PGD: variants seen among roughly 807,000 people sequenced by gnomAD.
The protein encoded by PGD is phosphogluconate dehydrogenase.
PGD carries 21 observed loss-of-function variants against 60.4 expected under a neutral mutation model. That is an observed-to-expected ratio of 0.35 (90% CI 0.25 to 0.50). The LOEUF is 0.50. Ranked by LOEUF, PGD falls within the 20% of genes least tolerant of loss-of-function variation. PGD has a pLI of 0.98. For missense variants in PGD, 477 were observed against 613.1 expected, an observed-to-expected ratio of 0.78 and a Z score of 2.34; for synonymous variants, 230 against 235.9, an observed-to-expected ratio of 0.97 and a Z score of 0.23.
chr1:10,420,145 TG>T lies in PGD; in HGVS notation c.*397del, dbSNP rs1639668499. On this transcript the variant is annotated 3_prime_UTR_variant, in exon 13 of 13. Transcript: ENST00000270776. ...CTCAATAAAAGCTACATCAGACTGA[TG>T]CTCTTTCTCCAGATTCTTAGTCTCA... 6.1e-6 allele frequency: 1 copy of T among 163,880 alleles called. No homozygotes were observed. Among genetic ancestry groups the T allele is most frequent in the Non-Finnish European group, 1.3e-5 (1 of 74,660 alleles). The allele number at this position is 163,880 out of a possible 1,614,324, so 10.2% of individuals were successfully genotyped here.
chr1:10,419,644 C>G lies in PGD; in HGVS notation c.1347C>G (p.Tyr449Ter). 6.2e-7 allele frequency: 1 copy of G among 1,614,224 alleles called. No individual in the cohort carries two copies. Among genetic ancestry groups the G allele is most frequent in the Non-Finnish European group, 8.5e-7 (1 of 1,180,036 alleles). ...TCGTTTCCTAGGCTCAGCGGGATTA[C>G]TTCGGGGCTCACACCTATGAACTCT... The part of the protein sequence containing the change: ...PASLIQAQRD[Y>*]FGAHTYELLA... The change falls in exon 13 of 13, where the codon TAC (tyrosine) becomes TAG (stop). Residue 449 changes from tyrosine to a stop codon, truncating the protein, a stop_gained. Coordinates refer to ENST00000270776, the MANE Select transcript of PGD (RefSeq NM_002631.4). LOFTEE classifies it high-confidence loss of function.
intron 8 of PGD, among the ~76,000 whole-genome samples, chr1:10,414,847 C>T (rs532082838): frequency 2.0e-5 from 3 of 151,842 alleles, no homozygotes; most frequent in Admixed American, 1.3e-4. Context: ...AATCCCAGCA[C>T]TTTGGGTGAC....
At chr1:10,410,923 T>G (rs72867469) in intron 6 of PGD, among the ~76,000 whole-genome samples, 5,485 of 152,078 alleles carry the variant, frequency 0.036, 124 homozygotes, top group Middle Eastern at 0.13. Flanking sequence ...GTTGAGACCT[T>G]GGATCTAGGG....
In PGD at chr1:10,413,082, G is replaced by T; in HGVS notation, c.675G>T (p.Lys225Asn). ...TGTAGGCCTTTGAGGATTGGAATAA[G>T]ACAGAGCTAGACTCATTCCTGATTG... ...EMAQAFEDWN[K>N]TELDSFLIEI... Residue 225 changes from lysine (K) to asparagine (N), a missense_variant, in exon 8 of 13, where the codon AAG (lysine) becomes AAT (asparagine). Coordinates refer to ENST00000270776, the MANE Select transcript of PGD (RefSeq NM_002631.4). 1 of 1,614,018 alleles carries T rather than the reference G, an allele frequency of 6.2e-7. No homozygotes were observed. The highest frequency in any genetic ancestry group is 8.5e-7 in the Non-Finnish European group (1 of 1,179,906).
At chr1:10,405,578 G>A (rs919879241) in intron 5 of PGD, among the ~76,000 whole-genome samples, 5 of 150,448 alleles carry the variant, frequency 3.3e-5, no homozygotes, top group African/African-American at 7.3e-5. Flanking sequence ...GGTGGCTCAC[G>A]CCTGTAATCC....
intron 7 of PGD, among the ~76,000 whole-genome samples, chr1:10,412,616 T>C (rs556139588): frequency 4.6e-5 from 7 of 152,346 alleles, no homozygotes; most frequent in African/African-American, 1.7e-4. Context: ...ATGCCAAGCA[T>C]GATTCTAAAT....
intron 3 of PGD, among the ~76,000 whole-genome samples, chr1:10,401,751 C>T (rs1424598188): frequency 1.3e-5 from 2 of 152,122 alleles, no homozygotes; most frequent in Non-Finnish European, 2.9e-5. Flanking sequence ...CGCGGTGGCT[C>T]ACGCCTGTAA....
rs1045356222 is a variant in PGD at position 10,404,078 on chromosome 1, G to A, written c.331-83G>A. 6.3e-6 allele frequency: 6 copies of A among 947,762 alleles called. No individual in the cohort carries two copies. In the Admixed American group the frequency reaches 8.7e-5, roughly 14 times the overall value. The allele number at this position is 947,762 out of a possible 1,614,324, so 58.7% of individuals were successfully genotyped here. ...TCTTATACTTCCTCTCATTTATAAG[G>A]GAAACATTTTTGGGTAGCATAATGA... is the stretch of plus-strand genomic sequence containing the variant. On this transcript the variant is annotated intron_variant, in intron 4 of 12. Coordinates refer to ENST00000270776, the MANE Select transcript of PGD (RefSeq NM_002631.4).
intron 8 of PGD, among the ~76,000 whole-genome samples, chr1:10,416,335 C>T (rs1639593906): frequency 6.6e-6 from 1 of 152,188 alleles, no homozygotes; most frequent in African/African-American, 2.4e-5. Context: ...TGATTGAATA[C>T]TCATGTTTGT....
chr1:10,410,118 C>T (rs72867467), intron 6 of PGD, among the ~76,000 whole-genome samples: 5,202 of 152,076 alleles, frequency 0.034, 111 homozygotes, highest in Middle Eastern at 0.13. Context: ...ACTCTGTGGC[C>T]AGAGTGTCAA....
At position 10,419,603 on chromosome 1, in the gene PGD, T is replaced by A. The variant is rs149262118; in HGVS notation, c.1333-27T>A. On this transcript the variant is annotated intron_variant, in intron 12 of 12. Coordinates refer to ENST00000270776, the MANE Select transcript of PGD (RefSeq NM_002631.4). ...CGGGGGCGTGCGCCATGGACTGTCC[T>A]GACCAACCTACTCTCTCGTTTCCTA... 1.8e-4 allele frequency: 283 copies of A among 1,614,128 alleles called. 1 individual carries two copies. In the African/African-American group the frequency reaches 2.1e-3, roughly 12 times the overall value.
Position 10,402,958 on chromosome 1 carries a change from A to G in PGD, c.265-113A>G, listed in dbSNP as rs1344158927. ...GCACTCCTGCATTCCAAGCTGGGCA[A>G]CAGAACGAGACTCTTTTTAGACTAT... On this transcript the variant is annotated intron_variant, in intron 3 of 12. Transcript: ENST00000270776. 5.9e-5 allele frequency: 46 copies of G among 773,654 alleles called. No individual in the cohort carries two copies. In the East Asian group the frequency reaches 1.2e-3, roughly 20 times the overall value. The allele number at this position is 773,654 out of a possible 1,614,324, so 47.9% of individuals were successfully genotyped here.
At chr1:10,400,990 TG>T (rs1639306220) in intron 3 of PGD, among the ~76,000 whole-genome samples, 1 of 152,010 alleles carries the variant, frequency 6.6e-6, no homozygotes, top group South Asian at 2.1e-4. Flanking sequence ...TACAAGCTTA[TG>T]GTCCCAGGTT....
rs563541954 is a variant in PGD at position 10,414,397 on chromosome 1, C to T, written c.844+1146C>T. The stretch of plus-strand genomic sequence containing the variant: ...CAGTGTGTTTGTTTGTTTTTTGAGA[C>T]GGTGTTGTGCTCTGTCACCCAGGCT... On this transcript the variant is annotated intron_variant, in intron 8 of 12. Coordinates refer to ENST00000270776, the MANE Select transcript of PGD (RefSeq NM_002631.4). 7.7e-4 allele frequency among the ~76,000 whole-genome samples: 117 copies of T among 152,036 alleles called. 2 individuals carry two copies. Among genetic ancestry groups the T allele is most frequent in the East Asian group, 1.6e-3 (8 of 5,130 alleles).
In PGD at chr1:10,417,865, A is replaced by G. The variant is rs189879119; in HGVS notation, c.1109+356A>G. Among the ~76,000 whole-genome samples the G allele has an allele frequency of 1.0e-3, 155 of 152,222 alleles. 2 individuals are homozygous for G. Among genetic ancestry groups the G allele is most frequent in the South Asian group, 7.3e-3 (35 of 4,826 alleles). ...ACTGGGATTACAAGGGCACGCCACC[A>G]TGTCCGGCTAATTCTTTTGTATTTG... On this transcript the variant is annotated intron_variant, in intron 10 of 12. Transcript: ENST00000270776.
intron 11 of PGD, 134 bp from the exon 12 acceptor site, chr1:10,419,282 GC>G: frequency 8.3e-7 from 1 of 1,209,074 alleles, no homozygotes; most frequent in Non-Finnish European, 1.2e-6. Context: ...CTTCCAAAGT[GC>G]TGGGATGACA....
Position 10,407,948 on chromosome 1 carries a change from C to CAAAAAA in PGD, c.450-113_450-108dup. On this transcript the variant is annotated intron_variant, in intron 5 of 12. Transcript: ENST00000270776. ...TGGGTGACAACGTGAGACCCTGTCT[C>CAAAAAA]AAAAAAAAAAAAAAAGAAAGGAAAA... is the stretch of plus-strand genomic sequence containing the variant. 3 of 582,126 alleles carry CAAAAAA rather than the reference C, an allele frequency of 5.2e-6. No individual in the cohort carries two copies. The East Asian group carries it at 8.4e-5, about 16-fold the overall frequency. 36.1% of individuals were successfully genotyped at this position (582,126 alleles called of 1,614,324 possible).
intron 2 of PGD, 38 bp downstream of exon 2, chr1:10,399,742 C>G (rs1026248677): frequency 6.3e-7 from 1 of 1,592,272 alleles, no homozygotes; most frequent in African/African-American, 1.3e-5. Context: ...CTCTGGTTCC[C>G]GGGCGCTTTA....
chr1:10,405,218 C>G (rs1016979564), intron 5 of PGD, among the ~76,000 whole-genome samples: 1 of 151,142 alleles, frequency 6.6e-6, no homozygotes, highest in Non-Finnish European at 1.5e-5. Flanking sequence ...ACTAAAAATA[C>G]AAAAATTAGC....
Sources: allele counts gnomAD v4.1 joint callset (sites outside exome capture counted in the v4.1 genomes callset), GRCh38; gene constraint gnomAD v4.1.1; transcripts MANE v1.5; gene names NCBI Gene and HGNC (gene_info 2026-07-23, HGNC 2026-07-21).